Variants in DLEU7 observed in about 807,000 individuals in gnomAD.
DLEU7 encodes deleted in lymphocytic leukemia 7.
In DLEU7, 17 loss-of-function variants were observed where a neutral mutation model predicts 16.0. The observed-to-expected ratio is 1.06, with a 90% CI of 0.73 to 1.59. DLEU7 has a LOEUF of 1.59. DLEU7 is among the 40% of genes most tolerant of loss of function. The probability of loss-of-function intolerance (pLI) is 0.00; values close to 1 mark genes in which losing one functional copy is unlikely to be tolerated. For missense variants in DLEU7, 308 were observed against 314.9 expected (o/e 0.98, Z 0.17); for synonymous variants, 113 against 139.8 (o/e 0.81, Z 1.35).
rs552895815 is a variant in DLEU7, at chr13:50,760,142, C to A, written c.460-46902G>T. ...TATTCAAGCTCTATATTTAAAAATG[C>A]AATTCATATTTAGGCTTTTGTGTTC... On this transcript the variant is annotated intron_variant, in intron 1 of 1. Coordinates refer to the DLEU7 transcript ENST00000400393. Among the ~76,000 whole-genome samples, 16 of 152,266 alleles carry A rather than the reference C, an allele frequency of 1.1e-4. No individual in the cohort carries two copies. The East Asian group carries it at 2.7e-3, about 26-fold the overall frequency.
At chr13:50,760,490 T>G (rs1363214240) in intron 1 of DLEU7, among the ~76,000 whole-genome samples, 2 of 152,166 alleles carry the variant, frequency 1.3e-5, no homozygotes, top group African/African-American at 4.8e-5. Flanking sequence ...GCCTCACAAG[T>G]CGCTAGGATT....
At chr13:50,749,680 T>C (rs1356391802) in intron 1 of DLEU7, among the ~76,000 whole-genome samples, 1 of 152,248 alleles carries the variant, frequency 6.6e-6, no homozygotes, top group East Asian at 1.9e-4. Context: ...TGCATTTTCC[T>C]GATCATTAGT....
At chr13:50,798,711 C>T (rs1876166496) in intron 1 of DLEU7, among the ~76,000 whole-genome samples, 1 of 152,188 alleles carries the variant, frequency 6.6e-6, no homozygotes, top group South Asian at 2.1e-4. Flanking sequence ...ACCTCCAGGC[C>T]ACTCTAGAAA....
chr13:50,797,550 T>A (rs907641667), intron 1 of DLEU7, among the ~76,000 whole-genome samples: 10 of 152,196 alleles, frequency 6.6e-5, no homozygotes, highest in African/African-American at 2.4e-4. Flanking sequence ...TAGATGTTAG[T>A]TTCTTCATTG....
At position 50,730,038 on chromosome 13, in the gene DLEU7, AAAAAG is replaced by A. The variant is rs373088536; in HGVS notation, c.460-16803_460-16799del. Reference sequence around the variant, plus strand: ...TCTTACAATAGAGTAAGCTAGAAAAAAAAAGAATGTTATTAAGAAAATCATAAGCG... The same window carrying A: ...TCTTACAATAGAGTAAGCTAGAAAAAAATGTTATTAAGAAAATCATAAGCG... On this transcript the variant is annotated intron_variant, in intron 1 of 1. Coordinates refer to the DLEU7 transcript ENST00000400393. Among the ~76,000 whole-genome samples, 531 of 152,298 alleles carry A rather than the reference AAAAAG, an allele frequency of 3.5e-3. 1 individual carries two copies. Among genetic ancestry groups the A allele is most frequent in the African/African-American group, 0.012 (506 of 41,576 alleles).
chr13:50,800,233 A>G (rs1452959820), intron 1 of DLEU7, among the ~76,000 whole-genome samples: 1 of 152,216 alleles, frequency 6.6e-6, no homozygotes, highest in East Asian at 1.9e-4. Flanking sequence ...TGGCATCTGG[A>G]AGTTAAAGCA....
rs184890978 is a variant in DLEU7 at position 50,839,164 on chromosome 13, C to T, written c.459+4024G>A. 4.6e-5 allele frequency among the ~76,000 whole-genome samples: 7 copies of T among 152,338 alleles called. No individual in the cohort carries two copies. The East Asian group carries it at 5.8e-4, about 13-fold the overall frequency. On this transcript the variant is annotated intron_variant, in intron 1 of 1. Transcript: ENST00000504404. The stretch of plus-strand genomic sequence containing the variant: ...CACAATTTCAGCATGATGTTCATAA[C>T]GCCCCTAAGGGCAAGCACTGTAATG...
intron 1 of DLEU7, among the ~76,000 whole-genome samples, chr13:50,810,454 A>T (rs923388713): frequency 1.1e-4 from 16 of 152,112 alleles, no homozygotes; most frequent in African/African-American, 3.9e-4. Context: ...ATAAGATATG[A>T]ATGTTTTAAT....
chr13:50,754,470 T>C (rs1036845810), intron 1 of DLEU7, among the ~76,000 whole-genome samples: 1 of 152,264 alleles, frequency 6.6e-6, no homozygotes, highest in Middle Eastern at 3.2e-3. Context: ...AAGTTTGTTT[T>C]GTCTGAAATA....
intron 1 of DLEU7, among the ~76,000 whole-genome samples, chr13:50,735,988 A>C (rs1268368132): frequency 1.3e-5 from 2 of 152,176 alleles, no homozygotes; most frequent in East Asian, 3.8e-4. Context: ...CATTCAACCC[A>C]GGAATCTCAT....
chr13:50,743,136 A>AAGAG (rs35675993), intron 1 of DLEU7, among the ~76,000 whole-genome samples: 315 of 150,246 alleles, frequency 2.1e-3, no homozygotes, highest in African/African-American at 6.4e-3. Flanking sequence ...CTGTAAGAAA[A>AAGAG]AGAGAGAGAG....
intron 1 of DLEU7, among the ~76,000 whole-genome samples, chr13:50,786,996 T>C (rs1317272371): frequency 6.6e-6 from 1 of 152,234 alleles, no homozygotes; most frequent in Non-Finnish European, 1.5e-5. Flanking sequence ...AGTTGAGTGA[T>C]GAGGTAAATC....
rs545078744 is a variant in DLEU7, at chr13:50,806,087, C to T, written c.459+37101G>A. Among the ~76,000 whole-genome samples the T allele has an allele frequency of 1.2e-4, 18 of 152,268 alleles. 1 individual carries two copies. Among genetic ancestry groups the T allele is most frequent in the Middle Eastern group, 3.4e-3 (1 of 294 alleles). Reference sequence around the variant, plus strand: ...TTTCTTGAAGCTCAGAATCCACAGGCATCTTCACTCTGGTACTTCCTATGT... The same window carrying T: ...TTTCTTGAAGCTCAGAATCCACAGGTATCTTCACTCTGGTACTTCCTATGT... On this transcript the variant is annotated intron_variant, in intron 1 of 1. Transcript: ENST00000400393.
chr13:50,843,169 T>C lies in DLEU7; in HGVS notation c.459+19A>G. 2 of 1,581,456 alleles carry C rather than the reference T, an allele frequency of 1.3e-6. No homozygotes were observed. The highest frequency in any genetic ancestry group is 2.4e-5 in the East Asian group (1 of 40,986). The stretch of plus-strand genomic sequence containing the variant: ...AGGTTACCCTGCACGCCAGAGGGGA[T>C]GGCGGGGGCCAGACTCACCTTCAGG... On this transcript the variant is annotated intron_variant, in intron 1 of 1. Coordinates refer to ENST00000504404, the MANE Select transcript of DLEU7 (RefSeq NM_001306135.2). This position sits in a 1 kb window ranked among gnomAD's most constrained non-coding sequence, Gnocchi z 5.7.
chr13:50,745,074 C>T (rs192070996), intron 1 of DLEU7, among the ~76,000 whole-genome samples: 100 of 152,248 alleles, frequency 6.6e-4, no homozygotes, highest in African/African-American at 2.4e-3. Flanking sequence ...TAGGTGTATA[C>T]CCAACAGAAT....
intron 1 of DLEU7, among the ~76,000 whole-genome samples, chr13:50,785,336 A>C (rs991455336): frequency 6.6e-6 from 1 of 152,226 alleles, no homozygotes; most frequent in Non-Finnish European, 1.5e-5. Context: ...TAATCATAGT[A>C]ATCAGTGTAA....
chr13:50,830,911 C>G (rs958902879), intron 1 of DLEU7, among the ~76,000 whole-genome samples: 27 of 152,112 alleles, frequency 1.8e-4, no homozygotes, highest in African/African-American at 6.5e-4. Flanking sequence ...TTTGGCCAAG[C>G]TATTATGGCT....
intron 1 of DLEU7, among the ~76,000 whole-genome samples, chr13:50,785,763 G>C (rs558613569): frequency 1.3e-4 from 20 of 152,304 alleles, no homozygotes; most frequent in African/African-American, 4.3e-4. Context: ...AACGTCATGG[G>C]AAGTACCAGT....
chr13:50,828,651 G>A lies in DLEU7; in HGVS notation c.460-5131C>T, dbSNP rs993034758. Among the ~76,000 whole-genome samples, 3 of 152,168 alleles carry A rather than the reference G, an allele frequency of 2.0e-5. No homozygotes were observed. The South Asian group carries it at 6.2e-4, about 31-fold the overall frequency. ...ACTAAAAGTTGAACCAAAGTTTGAT[G>A]AGGGACCAGAGTTTCCTTCCTAATT... On this transcript the variant is annotated intron_variant, in intron 1 of 1. Coordinates refer to ENST00000504404, the MANE Select transcript of DLEU7 (RefSeq NM_001306135.2).
Sources: gnomAD v4.1 joint callset for allele counts (sites outside exome capture counted in the v4.1 genomes callset) on GRCh38, gnomAD v4.1.1 for gene constraint, Gnocchi (gnomAD v3.1) non-coding constraint, MANE v1.5 for transcripts, NCBI Gene and HGNC (gene_info 2026-07-23, HGNC 2026-07-21) for gene names.